XXYLT1: variants seen among roughly 807,000 people sequenced by gnomAD.
XXYLT1 encodes the protein xyloside xylosyltransferase 1.
In XXYLT1, 20 loss-of-function variants were observed where a neutral mutation model predicts 28.9. That is an observed-to-expected ratio of 0.69 (90% CI 0.49 to 1.00). XXYLT1 has a LOEUF of 1.00. XXYLT1 is among the 50% of genes least tolerant of loss of function. XXYLT1 has a pLI of 0.00. For synonymous variants in XXYLT1, 257 were observed against 253.8 expected (o/e 1.01, Z -0.12); for missense variants, 542 against 560.1 (o/e 0.97, Z 0.33).
In XXYLT1 at chr3:195,115,533, T is replaced by C. The variant is rs199932837; in HGVS notation, c.785+40916A>G. Among the ~76,000 whole-genome samples, 11 of 152,266 alleles carry C rather than the reference T, an allele frequency of 7.2e-5. No individual in the cohort carries two copies. In the East Asian group the frequency reaches 1.9e-3, roughly 27 times the overall value. ...TACACCACCTGGAGTGGTTTCTGCT[T>C]CCTACGCGATCCCTGGTTGATAAAC... On this transcript the variant is annotated intron_variant, in intron 3 of 3. Coordinates refer to ENST00000310380, the MANE Select transcript of XXYLT1 (RefSeq NM_152531.5). The surrounding 1 kb of genome is among the most constrained non-coding windows in gnomAD (Gnocchi z 4.2).
intron 3 of XXYLT1, among the ~76,000 whole-genome samples, chr3:195,126,570 G>A (rs111815378): frequency 6.4e-4 from 98 of 152,236 alleles, no homozygotes; most frequent in African/African-American, 2.1e-3. Flanking sequence ...CGACAGTCTC[G>A]GCAAAAAACC....
At chr3:195,253,746 G>T (rs923394289) in intron 1 of XXYLT1, among the ~76,000 whole-genome samples, 1 of 151,990 alleles carries the variant, frequency 6.6e-6, no homozygotes, top group African/African-American at 2.4e-5. Flanking sequence ...TGATCCGCCC[G>T]CCTCGGCCTC....
rs565159277 is a variant in XXYLT1, at chr3:195,101,888, G to C, written c.786-31777C>G. Among the ~76,000 whole-genome samples, 597 of 128,752 alleles carry C rather than the reference G, an allele frequency of 4.6e-3. 2 individuals carry two copies. The highest frequency in any genetic ancestry group is 6.5e-3 in the Non-Finnish European group (406 of 62,316). 84.5% of individuals were successfully genotyped at this position (128,752 alleles called of 152,430 possible). On this transcript the variant is annotated intron_variant, in intron 3 of 3. Coordinates refer to ENST00000310380, the MANE Select transcript of XXYLT1 (RefSeq NM_152531.5). ...AAGTAAGGAAACAGAAAAAAAGGAAGAAACAAAGAGGAACGGAGGAAAGGA... is the reference window on the plus strand; with the variant it reads ...AAGTAAGGAAACAGAAAAAAAGGAACAAACAAAGAGGAACGGAGGAAAGGA...
At chr3:195,099,264 C>G (rs1716630777) in intron 3 of XXYLT1, among the ~76,000 whole-genome samples, 1 of 152,068 alleles carries the variant, frequency 6.6e-6, no homozygotes, top group African/African-American at 2.4e-5. Context: ...CGAGGTTGAC[C>G]CTGGCGCAGG....
intron 2 of XXYLT1, among the ~76,000 whole-genome samples, chr3:195,167,233 A>G (rs937432373): frequency 3.3e-5 from 5 of 152,206 alleles, no homozygotes; most frequent in Non-Finnish European, 7.3e-5. Flanking sequence ...ACAATATCCC[A>G]TCTCCTAACA....
intron 2 of XXYLT1, among the ~76,000 whole-genome samples, chr3:195,171,730 A>G (rs944453980): frequency 6.6e-6 from 1 of 152,228 alleles, no homozygotes; most frequent in Non-Finnish European, 1.5e-5. Flanking sequence ...ACAGGTCTGT[A>G]TTCATGGTCT....
intron 3 of XXYLT1, among the ~76,000 whole-genome samples, chr3:195,127,759 AGAGT>A (rs1718709573): frequency 7.2e-6 from 1 of 139,726 alleles, no homozygotes; most frequent in Non-Finnish European, 1.6e-5. Flanking sequence ...CTTGGGTGAC[AGAGT>A]GAGACAAAAT....
chr3:195,193,440 T>C (rs1722504241), intron 2 of XXYLT1, among the ~76,000 whole-genome samples: 3 of 152,294 alleles, frequency 2.0e-5, no homozygotes, highest in South Asian at 4.1e-4. Context: ...TGTTCATGCA[T>C]TGGAAGCCTC....
At chr3:195,138,874 AAAAGAAAG>A (rs1189347937) in intron 3 of XXYLT1, among the ~76,000 whole-genome samples, 15 of 150,316 alleles carry the variant, frequency 1.0e-4, no homozygotes, top group South Asian at 8.4e-4. Flanking sequence ...AAAAAAAAAA[AAAAGAAAG>A]AAAGAAAGAA....
In XXYLT1 at chr3:195,156,580, C is replaced by A; in HGVS notation, c.654G>T (p.Glu218Asp). 1 of 1,614,106 alleles carries A rather than the reference C, an allele frequency of 6.2e-7. No individual in the cohort carries two copies. Among genetic ancestry groups the A allele is most frequent in the Non-Finnish European group, 8.5e-7 (1 of 1,179,986 alleles). Reference protein sequence around the residue: ...SVAMHQIMPKEILQIIQLDLD... With the variant: ...SVAMHQIMPKDILQIIQLDLD... Reference sequence around the variant, plus strand: ...GGTCCAGCTGAATGATCTGCAGGATCTCTGCGGGAAAGAGAAAAGGACAAT... The same window carrying A: ...GGTCCAGCTGAATGATCTGCAGGATATCTGCGGGAAAGAGAAAAGGACAAT... The change falls in exon 3 of 4, where the codon GAG (glutamate) becomes GAT (aspartate). Residue 218 changes from glutamate (E) to aspartate (D), a missense_variant and splice_region_variant. Transcript: ENST00000310380.
chr3:195,232,898 C>T (rs1215587636), intron 1 of XXYLT1, among the ~76,000 whole-genome samples: 3 of 152,262 alleles, frequency 2.0e-5, no homozygotes, highest in Middle Eastern at 3.4e-3. Context: ...AGGTCCATTT[C>T]GTCTATGGTG....
chr3:195,141,454 C>G (rs1437757325), intron 3 of XXYLT1, among the ~76,000 whole-genome samples: 1 of 152,196 alleles, frequency 6.6e-6, no homozygotes, highest in Non-Finnish European at 1.5e-5. Flanking sequence ...GTTACATCAT[C>G]AAATCTTATA....
chr3:195,127,848 TTTGA>T (rs1288365198), intron 3 of XXYLT1, among the ~76,000 whole-genome samples: 3 of 152,230 alleles, frequency 2.0e-5, no homozygotes, highest in East Asian at 1.9e-4. Flanking sequence ...AAGTAAGATA[TTTGA>T]TTGATCAGAA....
rs187868901 is a variant in XXYLT1, at chr3:195,122,641, G to A, written c.785+33808C>T. 3.1e-3 allele frequency among the ~76,000 whole-genome samples: 475 copies of A among 152,296 alleles called. 4 individuals are homozygous for A. The highest frequency in any genetic ancestry group is 5.7e-3 in the Non-Finnish European group (385 of 68,026). On this transcript the variant is annotated intron_variant, in intron 3 of 3. Coordinates refer to ENST00000310380, the MANE Select transcript of XXYLT1 (RefSeq NM_152531.5). ...TTCGACTCCACAGGAAGGGGGAGGC[G>A]ACTGCCAGCCCCAGCACCACAAATT...
At chr3:195,130,792 T>C (rs1718866191) in intron 3 of XXYLT1, among the ~76,000 whole-genome samples, 1 of 152,108 alleles carries the variant, frequency 6.6e-6, no homozygotes, top group South Asian at 2.1e-4. Flanking sequence ...AAAACGTGCA[T>C]ACAATTTCAG....
At chr3:195,198,328 C>A (rs1722711949) in intron 2 of XXYLT1, among the ~76,000 whole-genome samples, 1 of 152,168 alleles carries the variant, frequency 6.6e-6, no homozygotes, top group Non-Finnish European at 1.5e-5. Context: ...CAAAGTCGAA[C>A]TTCTCTTCCC....
rs145767299 is a variant in XXYLT1, at chr3:195,169,162, C to T, written c.653-12581G>A. Among the ~76,000 whole-genome samples the T allele has an allele frequency of 7.0e-4, 106 of 152,344 alleles. 1 individual carries two copies. Among genetic ancestry groups the T allele is most frequent in the African/African-American group, 2.5e-3 (103 of 41,580 alleles). On this transcript the variant is annotated intron_variant, in intron 2 of 3. Transcript: ENST00000310380. Reference sequence around the variant, plus strand: ...GGCCGACCATGATGGCTACACAGGTCGCAGCAGTCCCTGCTGGCCGCGGCA... The same window carrying T: ...GGCCGACCATGATGGCTACACAGGTTGCAGCAGTCCCTGCTGGCCGCGGCA...
intron 2 of XXYLT1, among the ~76,000 whole-genome samples, chr3:195,205,907 T>C (rs1723050846): frequency 1.3e-5 from 2 of 152,102 alleles, no homozygotes; most frequent in East Asian, 3.9e-4. Context: ...CTGGTTGTTG[T>C]ATTTGCTATA....
At chr3:195,237,815 G>A (rs1724617638) in intron 1 of XXYLT1, among the ~76,000 whole-genome samples, 1 of 151,980 alleles carries the variant, frequency 6.6e-6, no homozygotes, top group East Asian at 1.9e-4. Flanking sequence ...TTTGTTTGTT[G>A]TTTGTTTGTT....
Sources: allele counts gnomAD v4.1 joint callset (sites outside exome capture counted in the v4.1 genomes callset), GRCh38; gene constraint gnomAD v4.1.1; non-coding constraint Gnocchi (gnomAD v3.1); transcripts MANE v1.5; gene names NCBI Gene and HGNC (gene_info 2026-07-23, HGNC 2026-07-21).